Variants in GCNA observed in about 807,000 individuals in gnomAD.
GCNA encodes the protein germ cell nuclear acidic peptidase.
Under a neutral mutation model 38.8 loss-of-function variants are expected in GCNA, and 3 were observed. The observed-to-expected ratio is 0.08, with a 90% CI of 0.04 to 0.20. The LOEUF is 0.20. Ranked by LOEUF, GCNA falls within the 10% of genes least tolerant of loss-of-function variation. The probability of loss-of-function intolerance (pLI) is 1.00; values close to 1 mark genes in which losing one functional copy is unlikely to be tolerated. For synonymous variants in GCNA, 195 were observed against 240.2 expected, an observed-to-expected ratio of 0.81 and a Z score of 1.74; for missense variants, 446 against 578.6, an observed-to-expected ratio of 0.77 and a Z score of 2.35.
At position 71,592,176 on chromosome X, in the gene GCNA, G is replaced by C. The variant is rs757956500; in HGVS notation, c.106+8G>C. ...ATGACACCAGTGGGTCTTGTAAGTA[G>C]AGTCCACTCAAAGCAGGAACATTTT... is the stretch of plus-strand genomic sequence containing the variant. On this transcript the variant is annotated splice_region_variant and intron_variant, in intron 3 of 12. Transcript: ENST00000373696. 8.4e-7 allele frequency: 1 copy of C among 1,192,977 alleles called. No homozygotes were observed. Among genetic ancestry groups the C allele is most frequent in the Non-Finnish European group, 1.1e-6 (1 of 879,910 alleles).
intron 2 of GCNA, among the ~76,000 whole-genome samples, chrX:71,587,014 C>T (rs1011443665): frequency 8.1e-5 from 9 of 111,640 alleles, no homozygotes; most frequent in African/African-American, 2.9e-4. Flanking sequence ...GACATGGAGT[C>T]TAGGGCTAGT....
chrX:71,582,287 AAT>A (rs1245047024), intron 2 of GCNA, among the ~76,000 whole-genome samples: 1 of 109,144 alleles, frequency 9.2e-6, no homozygotes, highest in African/African-American at 3.3e-5. Flanking sequence ...AAAAAAAAAA[AAT>A]CAGCTTTTAA....
At chrX:71,592,714 T>A (rs2040639021) in intron 4 of GCNA, 144 bp downstream of exon 4, 1 of 325,828 alleles carries the variant, frequency 3.1e-6, no homozygotes, top group African/African-American at 3.1e-5. Context: ...AGGATCATGA[T>A]GGCTGTTTGA....
chrX:71,580,068 T>C (rs1014838027), intron 1 of GCNA, among the ~76,000 whole-genome samples: 1 of 101,094 alleles, frequency 9.9e-6, no homozygotes, highest in Non-Finnish European at 2.0e-5. Flanking sequence ...CTGGGTAAGA[T>C]TGACAGAGTG....
chrX:71,586,895 C>A (rs1418583884), intron 2 of GCNA, among the ~76,000 whole-genome samples: 2 of 111,991 alleles, frequency 1.8e-5, no homozygotes, highest in African/African-American at 6.5e-5. Flanking sequence ...CAGGTGTGAG[C>A]CACTGCGCCT....
At position 71,613,204 on chromosome X, in the gene GCNA, T is replaced by C. The variant is rs988252422; in HGVS notation, c.*222T>C. The C allele has an allele frequency of 1.3e-5, 5 of 394,311 alleles. No homozygotes were observed. Among genetic ancestry groups the C allele is most frequent in the Non-Finnish European group, 2.1e-5 (5 of 234,906 alleles). 32.5% of individuals were successfully genotyped at this position (394,311 alleles called of 1,213,427 possible). ...TAGGAATATTAGAATTTAGGTACTG[T>C]TAAGTAAGTAATGTTAGAATTTAAG... On this transcript the variant is annotated 3_prime_UTR_variant, in exon 13 of 13. Transcript: ENST00000373696.
Position 71,604,592 on chromosome X carries a change from A to C in GCNA, c.1315A>C (p.Arg439=), listed in dbSNP as rs761287045. Reference sequence around the variant, plus strand: ...GACCAAAAATATAGTGGAGCCACCAAGGAAAAGGCAGACAAAGACCAAAAA... The same window carrying C: ...GACCAAAAATATAGTGGAGCCACCACGGAAAAGGCAGACAAAGACCAAAAA... ...TKTKNIVEPP[R]KRQTKTKNIV... is the part of the protein sequence containing the mutation. The change falls in exon 8 of 13, where the codon AGG becomes CGG. Residue 439 remains arginine (R), a synonymous_variant. Transcript: ENST00000373696. 8.3e-7 allele frequency: 1 copy of C among 1,198,012 alleles called. No individual in the cohort carries two copies. Among genetic ancestry groups the C allele is most frequent in the South Asian group, 1.8e-5 (1 of 54,805 alleles).
At chrX:71,584,558 C>T (rs1460684778) in intron 2 of GCNA, among the ~76,000 whole-genome samples, 3 of 110,649 alleles carry the variant, frequency 2.7e-5, no homozygotes, top group Admixed American at 9.5e-5. Flanking sequence ...GGCCTCATAG[C>T]ATTTAATTTA....
At chrX:71,604,915 G>A (rs1020902512) in intron 8 of GCNA, among the ~76,000 whole-genome samples, 1 of 112,171 alleles carries the variant, frequency 8.9e-6, no homozygotes, top group Non-Finnish European at 1.9e-5. Context: ...CTAGAGTGCT[G>A]TCTCCCTGAA....
chrX:71,599,925 A>G (rs1336481016), intron 7 of GCNA, among the ~76,000 whole-genome samples: 1 of 112,555 alleles, frequency 8.9e-6, no homozygotes, highest in African/African-American at 3.2e-5. Flanking sequence ...TTCATAATTA[A>G]TTCAAATAAC....
intron 6 of GCNA, among the ~76,000 whole-genome samples, chrX:71,596,853 A>G (rs1421204998): frequency 8.9e-6 from 1 of 112,074 alleles, no homozygotes; most frequent in Non-Finnish European, 1.9e-5. Context: ...GCTGGTCAGG[A>G]CAGACACCAT....
Position 71,604,311 on chromosome X carries a change from G to A in GCNA, c.1034G>A (p.Gly345Asp). 8.2e-7 allele frequency: 1 copy of A among 1,212,262 alleles called. No homozygotes were observed. The highest frequency in any genetic ancestry group is 1.1e-6 in the Non-Finnish European group (1 of 895,659). Residue 345 changes from glycine to aspartate, a missense_variant, in exon 8 of 13, where the codon GGC (glycine) becomes GAC (aspartate). This residue lies in a region of GCNA where 160 missense variants were observed against 165.2 expected (regional missense o/e 0.97). Transcript: ENST00000373696. ...PVPAEDLCNE[G>D]QIASDEEELV... is the part of the protein sequence containing the mutation. ...CCAGCAGAAGATTTGTGTAATGAAG[G>A]CCAAATTGCTTCAGATGAAGAAGAG...
intron 1 of GCNA, among the ~76,000 whole-genome samples, chrX:71,579,119 G>T (rs1309907098): frequency 9.3e-6 from 1 of 107,999 alleles, no homozygotes; most frequent in African/African-American, 3.4e-5. Context: ...CAGTGGCTAT[G>T]TAGGAATACG....
At chrX:71,582,414 A>G (rs2040554100) in intron 2 of GCNA, among the ~76,000 whole-genome samples, 2 of 111,262 alleles carry the variant, frequency 1.8e-5, no homozygotes, top group Non-Finnish European at 3.8e-5. Context: ...AAGTAAAGAA[A>G]TGATAAATTT....
intron 6 of GCNA, among the ~76,000 whole-genome samples, chrX:71,597,747 A>T (rs2040682083): frequency 8.9e-6 from 1 of 112,355 alleles, no homozygotes; most frequent in Non-Finnish European, 1.9e-5. Context: ...AGATGGAAAG[A>T]TGTAGGAAGA....
intron 1 of GCNA, among the ~76,000 whole-genome samples, chrX:71,579,887 C>T (rs2040532942): frequency 9.4e-6 from 1 of 105,884 alleles, no homozygotes; most frequent in African/African-American, 3.5e-5. Flanking sequence ...GGGGAGGGGT[C>T]AAGGCCTGTT....
intron 2 of GCNA, among the ~76,000 whole-genome samples, chrX:71,582,299 A>G (rs1316987302): frequency 1.8e-5 from 2 of 108,992 alleles, no homozygotes; most frequent in African/African-American, 6.7e-5. Flanking sequence ...TCAGCTTTTA[A>G]TTATATTGCT....
chrX:71,611,884 G>C (rs1224720085), intron 11 of GCNA, among the ~76,000 whole-genome samples: 7 of 111,277 alleles, frequency 6.3e-5, no homozygotes, highest in African/African-American at 2.3e-4. Context: ...GAGAATCCTG[G>C]GAAGGTAACA....
At chrX:71,595,266 T>G (rs1410383190) in intron 6 of GCNA, among the ~76,000 whole-genome samples, 3 of 111,488 alleles carry the variant, frequency 2.7e-5, no homozygotes, top group African/African-American at 9.8e-5. Flanking sequence ...CGGCTAATTT[T>G]TGTGTTTTTA....
Sources: gnomAD v4.1 joint callset for allele counts (sites outside exome capture counted in the v4.1 genomes callset) on GRCh38, gnomAD v4.1.1 for gene constraint, gnomAD v4.1.1 regional missense constraint, MANE v1.5 for transcripts, NCBI Gene and HGNC (gene_info 2026-07-23, HGNC 2026-07-21) for gene names.